Variants in RASSF8 observed in about 807,000 individuals in gnomAD.
RASSF8 encodes Ras association domain family member 8.
Under a neutral mutation model 48.5 loss-of-function variants are expected in RASSF8, and 22 were observed. The observed-to-expected ratio is 0.45, with a 90% CI of 0.32 to 0.65. RASSF8 has a LOEUF of 0.65. RASSF8 is among the 30% of genes least tolerant of loss of function. The pLI is 0.03. For missense variants in RASSF8, 418 were observed against 489.2 expected (o/e 0.85, Z 1.37); for synonymous variants, 127 against 171.5 (o/e 0.74, Z 2.03).
chr12:26,044,486 TG>T (rs1943331017), intron 2 of RASSF8, among the ~76,000 whole-genome samples: 1 of 152,200 alleles, frequency 6.6e-6, no homozygotes, highest in East Asian at 1.9e-4. Flanking sequence ...ATTCAGTAGC[TG>T]TACCCTACAG....
chr12:25,980,639 G>A (rs1941719535), intron 1 of RASSF8, among the ~76,000 whole-genome samples: 1 of 152,198 alleles, frequency 6.6e-6, no homozygotes, highest in South Asian at 2.1e-4. Context: ...CCGTTAGCTG[G>A]TGGGAGTGGG....
At chr12:26,061,347 CAG>C (rs1237047085) in intron 3 of RASSF8, among the ~76,000 whole-genome samples, 1 of 152,090 alleles carries the variant, frequency 6.6e-6, no homozygotes, top group Non-Finnish European at 1.5e-5. Context: ...TTATGTCAAT[CAG>C]TCATTCAATA....
chr12:26,030,256 GA>G (rs529823555), intron 2 of RASSF8, among the ~76,000 whole-genome samples: 168 of 152,094 alleles, frequency 1.1e-3, no homozygotes, highest in African/African-American at 4.0e-3. Context: ...TTTTATTCAG[GA>G]GAAAATAAAA....
At chr12:25,966,701 T>C (rs1941368920) in intron 1 of RASSF8, among the ~76,000 whole-genome samples, 1 of 152,256 alleles carries the variant, frequency 6.6e-6, no homozygotes, top group Non-Finnish European at 1.5e-5. Flanking sequence ...TCATCAAATA[T>C]ATGCTTTGCA....
chr12:26,004,270 G>A (rs992635179), intron 2 of RASSF8, among the ~76,000 whole-genome samples: 1 of 152,192 alleles, frequency 6.6e-6, no homozygotes, highest in Non-Finnish European at 1.5e-5. Flanking sequence ...TGAATATACT[G>A]AACTCCTGAG....
rs117719588 is a variant in RASSF8, at chr12:26,049,977, G to A, written c.-108-5259G>A. Among the ~76,000 whole-genome samples, 8 of 152,082 alleles carry A rather than the reference G, an allele frequency of 5.3e-5. No individual in the cohort carries two copies. In the East Asian group the frequency reaches 1.5e-3, roughly 29 times the overall value. On this transcript the variant is annotated intron_variant, in intron 2 of 5. Coordinates refer to ENST00000689635, the MANE Select transcript of RASSF8 (RefSeq NM_001394098.1). ...TTTTTTGTATTTTTAGTAGAGACAG[G>A]GTTTCGTGTGTTAGTCAGGATGGTC...
intron 3 of RASSF8, among the ~76,000 whole-genome samples, chr12:26,058,536 G>A (rs11829711): frequency 0.013 from 1,107 of 83,488 alleles, 13 homozygotes; most frequent in African/African-American, 0.039. Context: ...GCACGCGCGC[G>A]CGCACACACA....
At position 26,071,789 on chromosome 12, in the gene RASSF8, T is replaced by TAA; in HGVS notation, c.*2972_*2973insAA. 1.0e-6 allele frequency: 1 copy of TAA among 977,284 alleles called. No homozygotes were observed. Among genetic ancestry groups the TAA allele is most frequent in the Non-Finnish European group, 1.2e-6 (1 of 825,788 alleles). 60.5% of individuals were successfully genotyped at this position (977,284 alleles called of 1,614,324 possible). The stretch of plus-strand genomic sequence containing the variant: ...TAAACAAGAGCTACAGCAAGACTGA[T>TAA]AGAGTAAAAACTATATAAATACAGT... On this transcript the variant is annotated 3_prime_UTR_variant, in exon 6 of 6. Coordinates refer to ENST00000689635, the MANE Select transcript of RASSF8 (RefSeq NM_001394098.1).
intron 1 of RASSF8, among the ~76,000 whole-genome samples, chr12:25,963,389 T>G (rs998972760): frequency 4.6e-5 from 7 of 151,960 alleles, no homozygotes; most frequent in African/African-American, 1.7e-4. Flanking sequence ...GCTTTGAGTA[T>G]TTTTGTCATG....
chr12:26,075,023 C>T (rs1944059999), downstream of RASSF8, among the ~76,000 whole-genome samples: 1 of 152,176 alleles, frequency 6.6e-6, no homozygotes, highest in Non-Finnish European at 1.5e-5. Flanking sequence ...AGGGTCAAGA[C>T]TAGAGGCCAG....
At chr12:25,970,993 A>T (rs1472234824) in intron 1 of RASSF8, among the ~76,000 whole-genome samples, 1 of 152,132 alleles carries the variant, frequency 6.6e-6, no homozygotes, top group Non-Finnish European at 1.5e-5. Flanking sequence ...CTTCTATATC[A>T]TATGCATACA....
rs140614122 is a variant in RASSF8, at chr12:26,049,055, G to A, written c.-108-6181G>A. On this transcript the variant is annotated intron_variant, in intron 2 of 5. Transcript: ENST00000689635. Reference sequence around the variant, plus strand: ...TTACAGGCGTGAACCACTGTGCCCAGCCCTCCTTCATCTTTTTTAAGGTAT... The same window carrying A: ...TTACAGGCGTGAACCACTGTGCCCAACCCTCCTTCATCTTTTTTAAGGTAT... Among the ~76,000 whole-genome samples the A allele has an allele frequency of 3.7e-3, 566 of 152,290 alleles. 2 individuals carry two copies. Among genetic ancestry groups the A allele is most frequent in the African/African-American group, 0.013 (543 of 41,562 alleles).
chr12:26,015,805 A>G (rs1942635085), intron 2 of RASSF8, among the ~76,000 whole-genome samples: 1 of 151,972 alleles, frequency 6.6e-6, no homozygotes, highest in South Asian at 2.1e-4. Context: ...GTTTTTTTTC[A>G]GGTTTGCTTT....
intron 2 of RASSF8, among the ~76,000 whole-genome samples, chr12:26,054,146 TAAC>T (rs1242592363): frequency 1.8e-4 from 27 of 152,234 alleles, no homozygotes; most frequent in Non-Finnish European, 3.2e-4. Flanking sequence ...TCATGAATTT[TAAC>T]AACAAAGACG....
At chr12:26,076,383 T>C (rs1461987713), downstream of RASSF8, among the ~76,000 whole-genome samples, 1 of 152,188 alleles carries the variant, frequency 6.6e-6, no homozygotes, top group Non-Finnish European at 1.5e-5. Context: ...GTCATTTACA[T>C]TGGGCATTTC....
intron 2 of RASSF8, among the ~76,000 whole-genome samples, chr12:26,007,646 G>A (rs934176311): frequency 1.3e-5 from 2 of 152,196 alleles, no homozygotes; most frequent in Non-Finnish European, 2.9e-5. Context: ...GCAAAGCCCA[G>A]AAAGGAACAG....
chr12:26,049,276 T>G (rs748483989), intron 2 of RASSF8, among the ~76,000 whole-genome samples: 1 of 152,212 alleles, frequency 6.6e-6, no homozygotes, highest in Admixed American at 6.5e-5. Context: ...TAAATTAGAT[T>G]AGTAAGAGGA....
downstream of RASSF8, among the ~76,000 whole-genome samples, chr12:26,076,330 T>A (rs1944072515): frequency 6.6e-6 from 1 of 152,208 alleles, no homozygotes; most frequent in African/African-American, 2.4e-5. Flanking sequence ...GTTTGTTACA[T>A]AGGTATACAT....
chr12:26,057,875 A>C lies in RASSF8; in HGVS notation c.103+2429A>C, dbSNP rs572090475. Among the ~76,000 whole-genome samples the C allele has an allele frequency of 5.3e-5, 8 of 152,260 alleles. No homozygotes were observed. The East Asian group carries it at 5.8e-4, about 11-fold the overall frequency. ...GTTTTGATTTGCATTTCTCTGATGG[A>C]CAGTGATGGTGAGCATTTTTTCATG... On this transcript the variant is annotated intron_variant, in intron 3 of 5. Transcript: ENST00000689635.
Sources: allele counts gnomAD v4.1 joint callset (sites outside exome capture counted in the v4.1 genomes callset), GRCh38; gene constraint gnomAD v4.1.1; transcripts MANE v1.5; gene names NCBI Gene and HGNC (gene_info 2026-07-23, HGNC 2026-07-21).